Variants in SLC5A6 observed in about 807,000 individuals in gnomAD.
The protein encoded by SLC5A6 is solute carrier family 5 member 6, also known as sodium-dependent multivitamin transporter.
A neutral mutation model predicts 67.9 loss-of-function variants in SLC5A6; 31 were observed. The observed-to-expected ratio is 0.46, with a 90% confidence interval of 0.34 to 0.62. The LOEUF is 0.62. SLC5A6 is among the 20% of genes least tolerant of loss of function. SLC5A6 has a pLI of 0.01. For synonymous variants in SLC5A6, 343 were observed against 331.0 expected (o/e 1.04, Z -0.39); for missense variants, 673 against 812.8 (o/e 0.83, Z 2.09).
At chr2:27,208,080 G>A (rs72858412) in intron 2 of SLC5A6, among the ~76,000 whole-genome samples, 414 of 152,258 alleles carry the variant, frequency 2.7e-3, no homozygotes, top group African/African-American at 9.7e-3. Flanking sequence ...ATAAACTCTA[G>A]CCTAAGTTTC....
At position 27,200,351 on chromosome 2, in the gene SLC5A6, A is replaced by G; in HGVS notation, c.*85T>C. The G allele has an allele frequency of 7.3e-7, 1 of 1,364,764 alleles. No homozygotes were observed. The highest frequency in any genetic ancestry group is 2.4e-5 in the East Asian group (1 of 42,070). The allele number at this position is 1,364,764 out of a possible 1,614,324, so 84.5% of individuals were successfully genotyped here. ...TCATCCAGGCCTGTCCCTGCAGAAC[A>G]CACCAAGACTCATCCCTGTACTACA... On this transcript the variant is annotated 3_prime_UTR_variant, in exon 17 of 17. Coordinates refer to ENST00000310574, the MANE Select transcript of SLC5A6 (RefSeq NM_021095.4).
At chr2:27,210,277 C>T (rs569871975) in intron 2 of SLC5A6, among the ~76,000 whole-genome samples, 11 of 152,350 alleles carry the variant, frequency 7.2e-5, no homozygotes, top group Admixed American at 5.2e-4. Context: ...AGACCAGATT[C>T]TGAGAACAGA....
Position 27,206,504 on chromosome 2 carries a change from G to A in SLC5A6, c.490C>T (p.Pro164Ser). 6.2e-7 allele frequency: 1 copy of A among 1,614,160 alleles called. No individual in the cohort carries two copies. The highest frequency in any genetic ancestry group is 8.5e-7 in the Non-Finnish European group (1 of 1,180,008). ...VIYMGVVLYA[P>S]SLALNAVTGF... ...TCACCTGCATTGAGAGCCAATGACG[G>A]AGCATAGAGCACAACTCCCATGTAG... is the stretch of plus-strand genomic sequence containing the variant. The change falls in exon 5 of 17, where the codon CCG becomes TCG. Residue 164 changes from proline (P) to serine (S), a missense_variant. Coordinates refer to ENST00000310574, the MANE Select transcript of SLC5A6 (RefSeq NM_021095.4).
In SLC5A6 at chr2:27,202,899, A is replaced by C; in HGVS notation, c.1208-19T>G. ...CCAAAGGCTGGGGGAAAAGGACAGG[A>C]GAGGAAACAAGAAGGTGTGAGTTAA... On this transcript the variant is annotated intron_variant, in intron 11 of 16. Transcript: ENST00000310574. 1 of 1,612,128 alleles carries C rather than the reference A, an allele frequency of 6.2e-7. No homozygotes were observed. The highest frequency in any genetic ancestry group is 8.5e-7 in the Non-Finnish European group (1 of 1,179,504).
chr2:27,201,393 G>C lies in SLC5A6; in HGVS notation c.1605C>G (p.Ser535=), dbSNP rs771096745. The part of the protein sequence containing the change: ...LSYLWYSAHN[S]TTVIVVGLIV... ...TCAGGCCCACCACAATCACTGTGGT[G>C]GAGTTGTGAGCACTGTACCATAAGT... Residue 535 remains serine (S), a synonymous_variant, in exon 15 of 17, where the codon TCC becomes TCG. Coordinates refer to ENST00000310574, the MANE Select transcript of SLC5A6 (RefSeq NM_021095.4). 24 of 1,613,572 alleles carry C rather than the reference G, an allele frequency of 1.5e-5. No homozygotes were observed. The highest frequency in any genetic ancestry group is 2.0e-5 in the Non-Finnish European group (24 of 1,179,504).
chr2:27,205,346 T>C lies in SLC5A6; in HGVS notation c.734+4A>G. The C allele has an allele frequency of 6.2e-7, 1 of 1,614,008 alleles. No homozygotes were observed. Among genetic ancestry groups the C allele is most frequent in the Non-Finnish European group, 8.5e-7 (1 of 1,179,920 alleles). On this transcript the variant is annotated splice_donor_region_variant and intron_variant, in intron 7 of 16. Coordinates refer to ENST00000310574, the MANE Select transcript of SLC5A6 (RefSeq NM_021095.4). ...ACCCCAGCCAGGAGTAGGGGTATACTTACTCAAACCCAGAGATGCGGCCGT... is the reference window on the plus strand; with the variant it reads ...ACCCCAGCCAGGAGTAGGGGTATACCTACTCAAACCCAGAGATGCGGCCGT...
In SLC5A6 at chr2:27,201,099, G is replaced by A. The variant is rs767535721; in HGVS notation, c.1663C>T (p.Arg555Trp). 7 of 1,611,892 alleles carry A rather than the reference G, an allele frequency of 4.3e-6. No individual in the cohort carries two copies. The highest frequency in any genetic ancestry group is 1.6e-4 in the Middle Eastern group (1 of 6,078). The change falls in exon 16 of 17, where the codon CGG becomes TGG. Residue 555 changes from arginine (R) to tryptophan (W), a missense_variant. Physicochemically the swap from Arg to Trp is moderately radical, Grantham distance 101. Coordinates refer to ENST00000310574, the MANE Select transcript of SLC5A6 (RefSeq NM_021095.4). Reference sequence around the variant, plus strand: ...TAAATGGTTGCAGGGTTCAGGGACCGGCCTCGCATTCTCCCTGAATGGAAA... The same window carrying A: ...TAAATGGTTGCAGGGTTCAGGGACCAGCCTCGCATTCTCCCTGAATGGAAA... ...VSLLTGRMRG[R>W]SLNPATIYPV...
At chr2:27,209,446 A>G (rs1404948272) in intron 2 of SLC5A6, among the ~76,000 whole-genome samples, 3 of 152,238 alleles carry the variant, frequency 2.0e-5, no homozygotes, top group African/African-American at 4.8e-5. Context: ...GTCTCAGATT[A>G]AGACACGAAT....
Position 27,210,032 on chromosome 2 carries a change from G to T in SLC5A6, c.-141+1435C>A, listed in dbSNP as rs993100059. Reference sequence around the variant, plus strand: ...ACTGGGGAGTAAGAGGAAAGAAGAGGTCTCCTGTGTGCAAAGAACACAGAA... The same window carrying T: ...ACTGGGGAGTAAGAGGAAAGAAGAGTTCTCCTGTGTGCAAAGAACACAGAA... On this transcript the variant is annotated intron_variant, in intron 2 of 16. Coordinates refer to ENST00000310574, the MANE Select transcript of SLC5A6 (RefSeq NM_021095.4). Among the ~76,000 whole-genome samples the T allele has an allele frequency of 5.9e-5, 9 of 152,322 alleles. No individual in the cohort carries two copies. In the East Asian group the frequency reaches 1.5e-3, roughly 26 times the overall value.
chr2:27,204,198 T>A (rs918117130), intron 9 of SLC5A6, among the ~76,000 whole-genome samples: 1 of 152,120 alleles, frequency 6.6e-6, no homozygotes. Flanking sequence ...AGGTATGTGA[T>A]AGCTCCCAGC....
In SLC5A6 at chr2:27,207,128, C is replaced by G; in HGVS notation, c.393+130G>C. On this transcript the variant is annotated intron_variant, in intron 3 of 16. Coordinates refer to ENST00000310574, the MANE Select transcript of SLC5A6 (RefSeq NM_021095.4). This position sits in a 1 kb window ranked among gnomAD's most constrained non-coding sequence, Gnocchi z 5.5. ...AACATCACTGAGAAAGAATTATAAA[C>G]ACACAATGAGTTTTCTGTCCCTCTC... 8.9e-7 allele frequency: 1 copy of G among 1,127,310 alleles called. No homozygotes were observed. Among genetic ancestry groups the G allele is most frequent in the East Asian group, 2.4e-5 (1 of 42,188 alleles). 69.8% of individuals were successfully genotyped at this position (1,127,310 alleles called of 1,614,324 possible).
At chr2:27,210,720 G>A (rs546362176) in intron 2 of SLC5A6, among the ~76,000 whole-genome samples, 2 of 151,226 alleles carry the variant, frequency 1.3e-5, no homozygotes, top group Non-Finnish European at 2.9e-5. Context: ...TGGCCACCGC[G>A]CCAGGCCAAG....
chr2:27,207,178 C>A lies in SLC5A6; in HGVS notation c.393+80G>T. On this transcript the variant is annotated intron_variant, in intron 3 of 16. Coordinates refer to ENST00000310574, the MANE Select transcript of SLC5A6 (RefSeq NM_021095.4). This position sits in a 1 kb window ranked among gnomAD's most constrained non-coding sequence, Gnocchi z 5.5. ...CATTAGGTGGAGGAGGTCTAGGGTC[C>A]CAGGTCCTTCCTATGTGCCTGTCCC... 6.8e-7 allele frequency: 1 copy of A among 1,480,082 alleles called. No homozygotes were observed. The highest frequency in any genetic ancestry group is 9.3e-7 in the Non-Finnish European group (1 of 1,074,918). 91.7% of individuals were successfully genotyped at this position (1,480,082 alleles called of 1,614,324 possible).
Position 27,205,335 on chromosome 2 carries a change from T to C in SLC5A6, c.734+15A>G, listed in dbSNP as rs370692076. 17 of 1,611,322 alleles carry C rather than the reference T, an allele frequency of 1.1e-5. No homozygotes were observed. In the African/African-American group the frequency reaches 2.1e-4, roughly 20 times the overall value. ...AGGCACTGCAGACCCCAGCCAGGAGTAGGGGTATACTTACTCAAACCCAGA... is the reference window on the plus strand; with the variant it reads ...AGGCACTGCAGACCCCAGCCAGGAGCAGGGGTATACTTACTCAAACCCAGA... On this transcript the variant is annotated intron_variant, in intron 7 of 16. Transcript: ENST00000310574.
chr2:27,204,559 C>CTG lies in SLC5A6; in HGVS notation c.906_907insCA (p.Val303GlnfsTer23). Reference sequence around the variant, plus strand: ...ATGAGGCAGCCCACGCAGAGGGACACCTGCTGGAAGGGGAACACTGCATAA... The same window carrying CTG: ...ATGAGGCAGCCCACGCAGAGGGACACTGCTGCTGGAAGGGGAACACTGCATAA... On this transcript the variant is annotated frameshift_variant, in exon 9 of 17. Coordinates refer to ENST00000310574, the MANE Select transcript of SLC5A6 (RefSeq NM_021095.4). LOFTEE classifies it high-confidence loss of function. The CTG allele has an allele frequency of 6.2e-7, 1 of 1,614,080 alleles. No homozygotes were observed. The highest frequency in any genetic ancestry group is 8.5e-7 in the Non-Finnish European group (1 of 1,179,968).
At chr2:27,211,699 C>T (rs906585922) in intron 1 of SLC5A6, 166 bp from the exon 2 acceptor site, 1 of 160,746 alleles carries the variant, frequency 6.2e-6, no homozygotes, top group Non-Finnish European at 1.3e-5. Flanking sequence ...GCCCTTCCCT[C>T]ATCACCCTCA....
chr2:27,202,060 G>A lies in SLC5A6; in HGVS notation c.1290C>T (p.Ile430=), dbSNP rs759847716. The A allele has an allele frequency of 6.2e-7, 1 of 1,613,816 alleles. No individual in the cohort carries two copies. The highest frequency in any genetic ancestry group is 2.2e-5 in the East Asian group (1 of 44,880). The change falls in exon 13 of 17, where the codon ATC becomes ATT. Residue 430 remains isoleucine, a synonymous_variant. Transcript: ENST00000310574. ...GCAGCGGTCCCCCAACCATGCCAAA[G>A]ATGCTGATTGCTGCCTAGGAGGACA... ...MGPVLQAAIS[I]FGMVGGPLLG...
At chr2:27,205,992 T>A in intron 6 of SLC5A6, 34 bp downstream of exon 6, 1 of 1,524,904 alleles carries the variant, frequency 6.6e-7, no homozygotes, top group Non-Finnish European at 9.1e-7. Flanking sequence ...ACTTCATCCC[T>A]TCCCCTCCCC....
chr2:27,205,244 C>A, intron 7 of SLC5A6, 106 bp downstream of exon 7: 1 of 1,170,490 alleles, frequency 8.5e-7, no homozygotes, highest in East Asian at 2.5e-5. Flanking sequence ...TGTTACACCT[C>A]AGGCTTCCCA....
Sources: allele counts gnomAD v4.1 joint callset (sites outside exome capture counted in the v4.1 genomes callset), GRCh38; gene constraint gnomAD v4.1.1; non-coding constraint Gnocchi (gnomAD v3.1); transcripts MANE v1.5; gene names NCBI Gene and HGNC (gene_info 2026-07-23, HGNC 2026-07-21).